SRGAP1: variants seen among roughly 807,000 people sequenced by gnomAD.
The protein encoded by SRGAP1 is SLIT-ROBO Rho GTPase-activating protein 1.
A neutral mutation model predicts 121.9 loss-of-function variants in SRGAP1; 43 were observed. The observed-to-expected ratio is 0.35, with a 90% CI of 0.28 to 0.46. The LOEUF (loss-of-function observed/expected upper bound fraction) is 0.46, where lower values mean the gene tolerates loss of function less well. Among genes scored for constraint, SRGAP1 ranks in the 20% least tolerant of loss-of-function variants. SRGAP1 has a pLI of 1.00. For synonymous variants in SRGAP1, 447 were observed against 485.4 expected (o/e 0.92, Z 1.04); for missense variants, 1,102 against 1,350.9 (o/e 0.82, Z 2.89).
chr12:64,125,722 AAG>A (rs1235446091), intron 18 of SRGAP1, among the ~76,000 whole-genome samples: 2 of 152,174 alleles, frequency 1.3e-5, no homozygotes, highest in Non-Finnish European at 2.9e-5. Context: ...TATCTCTAGT[AAG>A]AGGCTGTGGA....
chr12:64,020,859 A>AAAAG (rs1565643272), intron 4 of SRGAP1, among the ~76,000 whole-genome samples: 3 of 150,696 alleles, frequency 2.0e-5, no homozygotes, highest in African/African-American at 7.4e-5. Flanking sequence ...AAAAAAAAAA[A>AAAAG]AAAGAAAAGA....
intron 21 of SRGAP1, among the ~76,000 whole-genome samples, chr12:64,136,608 T>C (rs2036860170): frequency 6.6e-6 from 1 of 152,202 alleles, no homozygotes; most frequent in Admixed American, 6.5e-5. Flanking sequence ...TTTTGAGTGT[T>C]CTAACTAAAA....
In SRGAP1 at chr12:63,899,405, GA is replaced by G. The variant is rs564982132; in HGVS notation, c.67+54527del. ...ACAAATTGTACTTTTGTTGTTAAAA[GA>G]AAAACCTTAGACCAATTAAATTTAA... On this transcript the variant is annotated intron_variant, in intron 1 of 21. Coordinates refer to ENST00000355086, the MANE Select transcript of SRGAP1 (RefSeq NM_020762.4). Among the ~76,000 whole-genome samples, 913 of 151,968 alleles carry G rather than the reference GA, an allele frequency of 6.0e-3. 16 individuals carry two copies. The highest frequency in any genetic ancestry group is 4.5e-3 in the Non-Finnish European group (306 of 67,974).
At chr12:63,970,385 A>G (rs952047067) in intron 1 of SRGAP1, among the ~76,000 whole-genome samples, 3 of 152,200 alleles carry the variant, frequency 2.0e-5, no homozygotes, top group Admixed American at 6.5e-5. Flanking sequence ...TGGGTGTGGC[A>G]GAGGCAATAT....
At chr12:64,060,223 T>G (rs1282017145) in intron 6 of SRGAP1, among the ~76,000 whole-genome samples, 1 of 150,742 alleles carries the variant, frequency 6.6e-6, no homozygotes, top group Admixed American at 6.6e-5. Flanking sequence ...TTTTTTTCCT[T>G]TGAGACAGGG....
intron 8 of SRGAP1, among the ~76,000 whole-genome samples, chr12:64,078,082 AAAAG>A (rs968945122): frequency 1.2e-4 from 19 of 152,216 alleles, no homozygotes; most frequent in African/African-American, 3.9e-4. Context: ...GTTTAAATTT[AAAAG>A]AAAGACTGAC....
At chr12:63,920,569 T>A (rs988399328) in intron 1 of SRGAP1, among the ~76,000 whole-genome samples, 1 of 152,186 alleles carries the variant, frequency 6.6e-6, no homozygotes, top group Non-Finnish European at 1.5e-5. Context: ...TTAATGTTTT[T>A]AAAATATGTT....
At chr12:63,950,851 A>G (rs1241276270) in intron 1 of SRGAP1, among the ~76,000 whole-genome samples, 1 of 152,008 alleles carries the variant, frequency 6.6e-6, no homozygotes, top group Admixed American at 6.6e-5. Context: ...TCTTCTGGAA[A>G]AGCCTACCTG....
intron 6 of SRGAP1, among the ~76,000 whole-genome samples, chr12:64,060,283 C>T (rs1451810765): frequency 1.3e-5 from 2 of 149,592 alleles, no homozygotes; most frequent in African/African-American, 5.0e-5. Context: ...TCTCAGCTTA[C>T]TGCAGCCTCT....
intron 1 of SRGAP1, among the ~76,000 whole-genome samples, chr12:63,933,296 G>A (rs2031545807): frequency 6.6e-6 from 1 of 152,094 alleles, no homozygotes. Flanking sequence ...CCATTCTTGG[G>A]AGAGCATATT....
intron 4 of SRGAP1, chr12:64,038,654 T>A (rs937146075): frequency 2.6e-5 from 4 of 152,228 alleles, no homozygotes; most frequent in Admixed American, 6.5e-5. Flanking sequence ...GAAAAAAATA[T>A]TAACTTCTGT....
chr12:63,873,533 C>CAAAAA (rs1337537568), intron 1 of SRGAP1, among the ~76,000 whole-genome samples: 5 of 49,304 alleles, frequency 1.0e-4, no homozygotes, highest in East Asian at 5.8e-4. Context: ...AAATCCGTCT[C>CAAAAA]AAAAAAAAAA....
In SRGAP1 at chr12:63,935,759, C is replaced by T. The variant is rs114111873; in HGVS notation, c.68-48188C>T. Among the ~76,000 whole-genome samples, 366 of 152,228 alleles carry T rather than the reference C, an allele frequency of 2.4e-3. 1 individual carries two copies. Among genetic ancestry groups the T allele is most frequent in the African/African-American group, 8.5e-3 (353 of 41,556 alleles). Reference sequence around the variant, plus strand: ...TTATATTAACCTCTTCCTAATCCTCCAAAGAAATAGAGCAGATTAAAGTTT... The same window carrying T: ...TTATATTAACCTCTTCCTAATCCTCTAAAGAAATAGAGCAGATTAAAGTTT... On this transcript the variant is annotated intron_variant, in intron 1 of 21. Coordinates refer to ENST00000355086, the MANE Select transcript of SRGAP1 (RefSeq NM_020762.4).
At chr12:63,873,791 C>A (rs1899937759) in intron 1 of SRGAP1, among the ~76,000 whole-genome samples, 1 of 151,668 alleles carries the variant, frequency 6.6e-6, no homozygotes, top group South Asian at 2.1e-4. Flanking sequence ...GCCTTAGCCT[C>A]CTGAGTAGCT....
At chr12:63,872,207 C>G (rs556001429) in intron 1 of SRGAP1, among the ~76,000 whole-genome samples, 1 of 152,254 alleles carries the variant, frequency 6.6e-6, no homozygotes, top group East Asian at 1.9e-4. Flanking sequence ...CCTAGGTCTA[C>G]TGGCAATTTA....
intron 10 of SRGAP1, 182 bp downstream of exon 10, chr12:64,080,552 A>G (rs1046774440): frequency 8.7e-6 from 6 of 691,666 alleles, no homozygotes; most frequent in Non-Finnish European, 1.3e-5. Context: ...CTTCTAAAGC[A>G]TGGTGCTAAC....
chr12:64,138,446 C>CTTTTTTTTTTT (rs60769104), intron 21 of SRGAP1, among the ~76,000 whole-genome samples: 2 of 78,672 alleles, frequency 2.5e-5, no homozygotes, highest in African/African-American at 1.1e-4. Flanking sequence ...AATAAATTGA[C>CTTTTTTTTTTT]TTTTTTTTTT....
chr12:63,949,182 TA>T (rs1565964583), intron 1 of SRGAP1, among the ~76,000 whole-genome samples: 8 of 108,884 alleles, frequency 7.3e-5, no homozygotes, highest in Non-Finnish European at 1.3e-4. Context: ...TTTTTCCATA[TA>T]TATTTTTTTT....
chr12:64,033,765 T>C (rs1330068286), intron 4 of SRGAP1, among the ~76,000 whole-genome samples: 1 of 152,140 alleles, frequency 6.6e-6, no homozygotes, highest in Non-Finnish European at 1.5e-5. Context: ...CTCACGCCTA[T>C]AATCCCAACA....
Sources: allele counts gnomAD v4.1 joint callset (sites outside exome capture counted in the v4.1 genomes callset), GRCh38; gene constraint gnomAD v4.1.1; transcripts MANE v1.5; gene names NCBI Gene and HGNC (gene_info 2026-07-23, HGNC 2026-07-21).